The following EIF2B3 variants were observed in gnomAD, a reference collection of about 807,000 sequenced individuals.
EIF2B3 encodes eukaryotic translation initiation factor 2B subunit gamma, also known as translation initiation factor eIF2B subunit gamma.
Under a neutral mutation model 54.1 loss-of-function variants are expected in EIF2B3, and 20 were observed. That is an observed-to-expected ratio of 0.37 (90% CI 0.26 to 0.54). The LOEUF (loss-of-function observed/expected upper bound fraction) is 0.54. Among genes scored for constraint, EIF2B3 ranks in the 20% least tolerant of loss-of-function variants. The pLI is 0.86. For missense variants in EIF2B3, 448 were observed against 547.8 expected (o/e 0.82, Z 1.82); for synonymous variants, 153 against 188.1 (o/e 0.81, Z 1.52).
At chr1:44,917,932 C>A (rs1035359411) in intron 5 of EIF2B3, among the ~76,000 whole-genome samples, 1 of 150,732 alleles carries the variant, frequency 6.6e-6, no homozygotes, top group Admixed American at 6.6e-5. Context: ...TGCCACCACG[C>A]CCGGCTAATT....
chr1:44,875,402 T>C (rs1655088937), intron 9 of EIF2B3, among the ~76,000 whole-genome samples: 1 of 152,208 alleles, frequency 6.6e-6, no homozygotes, highest in Non-Finnish European at 1.5e-5. Context: ...TGAGAGCTCC[T>C]GTGTCTGAGT....
intron 5 of EIF2B3, among the ~76,000 whole-genome samples, chr1:44,920,856 C>T (rs531780654): frequency 9.9e-5 from 15 of 152,226 alleles, no homozygotes; most frequent in East Asian, 5.8e-4. Flanking sequence ...AACATAGGAA[C>T]GCAAATATCT....
chr1:44,857,875 G>A, intron 10 of EIF2B3, 68 bp from the exon 11 acceptor site: 1 of 1,510,498 alleles, frequency 6.6e-7, no homozygotes, highest in Non-Finnish European at 9.2e-7. Flanking sequence ...CTATTGGTTG[G>A]GGGTTCTGGC....
chr1:44,859,373 C>G (rs1238688960), intron 10 of EIF2B3, among the ~76,000 whole-genome samples: 1 of 151,960 alleles, frequency 6.6e-6, no homozygotes, highest in Non-Finnish European at 1.5e-5. Context: ...TACGACTAAC[C>G]TGGCTGGGTG....
intron 5 of EIF2B3, among the ~76,000 whole-genome samples, chr1:44,898,259 C>A (rs1249223991): frequency 6.6e-6 from 1 of 152,108 alleles, no homozygotes; most frequent in East Asian, 1.9e-4. Context: ...CTCTAGGAAT[C>A]CTTCACTGAC....
chr1:44,958,273 C>T (rs1218015165), intron 3 of EIF2B3, among the ~76,000 whole-genome samples: 1 of 152,126 alleles, frequency 6.6e-6, no homozygotes, highest in South Asian at 2.1e-4. Context: ...GGACCTAAAG[C>T]CTGGTACTTG....
intron 10 of EIF2B3, among the ~76,000 whole-genome samples, chr1:44,860,132 C>T (rs1191807139): frequency 1.3e-5 from 2 of 151,394 alleles, no homozygotes; most frequent in Admixed American, 6.6e-5. Flanking sequence ...GCATGACCAC[C>T]GCTCCTGGCC....
At chr1:44,868,285 C>A (rs1654847466) in intron 10 of EIF2B3, among the ~76,000 whole-genome samples, 1 of 150,594 alleles carries the variant, frequency 6.6e-6, no homozygotes, top group Non-Finnish European at 1.5e-5. Flanking sequence ...GTAGTCCCAG[C>A]TACTCAGGAG....
intron 10 of EIF2B3, among the ~76,000 whole-genome samples, chr1:44,870,176 A>T (rs991448141): frequency 6.8e-6 from 1 of 146,104 alleles, no homozygotes; most frequent in Non-Finnish European, 1.5e-5. Context: ...CGTCTCAAAA[A>T]AGAGAGAGAG....
rs574818426 is a variant in EIF2B3 at position 44,966,556 on chromosome 1, G to T, written c.294+11759C>A. Among the ~76,000 whole-genome samples the T allele has an allele frequency of 2.6e-5, 4 of 151,916 alleles. No individual in the cohort carries two copies. The South Asian group carries it at 8.3e-4, about 32-fold the overall frequency. ...AAGAGCACAGGAACCAGAAAAGACA[G>T]ATAAAACGGCGATAAAGGAACAGTG... On this transcript the variant is annotated intron_variant, in intron 3 of 11. Coordinates refer to ENST00000360403, the MANE Select transcript of EIF2B3 (RefSeq NM_020365.5).
At chr1:44,884,444 T>A (rs993458579) in intron 6 of EIF2B3, among the ~76,000 whole-genome samples, 3 of 152,134 alleles carry the variant, frequency 2.0e-5, no homozygotes, top group Admixed American at 2.0e-4. Context: ...AGGCAGAGGC[T>A]GAGGAGGGTA....
Position 44,978,395 on chromosome 1 carries a change from T to C in EIF2B3, c.214A>G (p.Lys72Glu), listed in dbSNP as rs1644474880. 6.2e-7 allele frequency: 1 copy of C among 1,614,054 alleles called. No homozygotes were observed. The highest frequency in any genetic ancestry group is 2.2e-5 in the East Asian group (1 of 44,876). ...TCAGGAATACACACAATATCTGGCT[T>C]CATTTTCATCTTGAATTCTGCACAT... ...ALCAEFKMKM[K>E]PDIVCIPDDA... Residue 72 changes from lysine (K) to glutamate (E), a missense_variant, in exon 3 of 12, where the codon AAG becomes GAG. Lys to Glu is a moderately conservative substitution (Grantham distance 56). This residue lies in a region of EIF2B3 where 95 missense variants were observed against 115.7 expected (regional missense o/e 0.82). Transcript: ENST00000360403.
At chr1:44,883,457 T>C (rs1655477426) in intron 6 of EIF2B3, among the ~76,000 whole-genome samples, 1 of 152,146 alleles carries the variant, frequency 6.6e-6, no homozygotes, top group Admixed American at 6.5e-5. Flanking sequence ...CTTTTTAAGA[T>C]GTCTTTTCTG....
In EIF2B3 at chr1:44,881,678, C is replaced by G. The variant is rs771719069; in HGVS notation, c.718G>C (p.Ala240Pro). The G allele has an allele frequency of 1.2e-6, 2 of 1,614,136 alleles. No individual in the cohort carries two copies. The highest frequency in any genetic ancestry group is 4.5e-5 in the East Asian group (2 of 44,890). ...PYLVRKQFSS[A>P]SSQQGQEEKE... ...TCTTCTTGTCCCTGTTGTGAGGAAG[C>G]TGAGGAAAACTGTTTTCTCACTAAA... The change falls in exon 7 of 12, where the codon GCT (alanine) becomes CCT (proline). Residue 240 changes from alanine (A) to proline (P), a missense_variant. By Grantham distance (27) the Ala-to-Pro change is conservative. This residue lies in a region of EIF2B3 where 350 missense variants were observed against 414.2 expected (regional missense o/e 0.85). Coordinates refer to ENST00000360403, the MANE Select transcript of EIF2B3 (RefSeq NM_020365.5). This position sits in a 1 kb window ranked among gnomAD's most constrained non-coding sequence, Gnocchi z 4.0.
At chr1:44,947,808 T>G (rs1223628671) in intron 3 of EIF2B3, among the ~76,000 whole-genome samples, 2 of 152,162 alleles carry the variant, frequency 1.3e-5, no homozygotes, top group Non-Finnish European at 1.5e-5. Context: ...AAGGTCACAT[T>G]TTACATTTTC....
intron 10 of EIF2B3, among the ~76,000 whole-genome samples, chr1:44,865,216 T>TTAAAAAAAAAA (rs1452928949): frequency 7.1e-6 from 1 of 140,104 alleles, no homozygotes; most frequent in Non-Finnish European, 1.6e-5. Context: ...GACTCCATCT[T>TTAAAAAAAAAA]AAAAAAAAAA....
intron 3 of EIF2B3, among the ~76,000 whole-genome samples, chr1:44,961,974 T>C (rs2261859): frequency 0.19 from 28,579 of 151,882 alleles, 2,848 homozygotes; most frequent in African/African-American, 0.23. Flanking sequence ...GGTGGATCAC[T>C]TGAGGTCAGG....
intron 1 of EIF2B3, among the ~76,000 whole-genome samples, chr1:44,983,341 C>A (rs751980319): frequency 2.3e-4 from 35 of 152,176 alleles, no homozygotes; most frequent in Non-Finnish European, 4.3e-4. Context: ...AATGTTGCAA[C>A]TTTACTATAA....
chr1:44,958,827 T>C, intron 3 of EIF2B3: 2 of 1,057,088 alleles, frequency 1.9e-6, no homozygotes, highest in Non-Finnish European at 3.0e-6. Flanking sequence ...CGTTAGCTCC[T>C]GAGCAGTGGG....
Sources: allele counts gnomAD v4.1 joint callset (sites outside exome capture counted in the v4.1 genomes callset), GRCh38; gene constraint gnomAD v4.1.1; regional missense constraint gnomAD v4.1.1; non-coding constraint Gnocchi (gnomAD v3.1); transcripts MANE v1.5; gene names NCBI Gene and HGNC (gene_info 2026-07-23, HGNC 2026-07-21).